Variants in PTGES3 observed in about 807,000 individuals in gnomAD.
PTGES3 encodes the protein prostaglandin E synthase 3, also known as Hsp90 co-chaperone.
Under a neutral mutation model 29.9 loss-of-function variants are expected in PTGES3, and 5 were observed. That is an observed-to-expected ratio of 0.17 (90% CI 0.09 to 0.35). PTGES3 has a LOEUF of 0.35. PTGES3 is among the 10% of genes least tolerant of loss of function. The pLI is 1.00. For synonymous variants in PTGES3, 49 were observed against 57.8 expected, an observed-to-expected ratio of 0.85 and a Z score of 0.69; for missense variants, 128 against 190.0, an observed-to-expected ratio of 0.67 and a Z score of 1.92.
chr12:56,666,087 CTTTTT>C (rs542812831), intron 6 of PTGES3, 112 bp downstream of exon 6: 1 of 1,377,468 alleles, frequency 7.3e-7, no homozygotes, highest in South Asian at 1.7e-5. Flanking sequence ...TTTCCCTTTT[CTTTTT>C]TTTTAGAAAA....
chr12:56,683,643 C>A (rs1366798246), intron 1 of PTGES3, among the ~76,000 whole-genome samples: 1 of 141,082 alleles, frequency 7.1e-6, no homozygotes, highest in African/African-American at 2.6e-5. Flanking sequence ...GAGCCAGACT[C>A]CATCTCAAAA....
At chr12:56,672,605 T>G (rs1952049860) in intron 3 of PTGES3, 135 bp downstream of exon 3, 3 of 1,091,432 alleles carry the variant, frequency 2.7e-6, no homozygotes, top group Non-Finnish European at 2.4e-6. Flanking sequence ...GGAGGAAATA[T>G]TCTACAAAAT....
chr12:56,680,000 A>G (rs1952450897), intron 1 of PTGES3, among the ~76,000 whole-genome samples: 1 of 152,034 alleles, frequency 6.6e-6, no homozygotes, highest in Non-Finnish European at 1.5e-5. Flanking sequence ...TAGGAGAAAA[A>G]GAGATGGTGT....
intron 1 of PTGES3, among the ~76,000 whole-genome samples, chr12:56,681,324 G>A (rs1014463354): frequency 2.6e-5 from 4 of 151,686 alleles, no homozygotes; most frequent in Non-Finnish European, 5.9e-5. Context: ...GGATCACGAG[G>A]TCAGGAGATC....
chr12:56,675,072 C>T (rs1172777303), intron 1 of PTGES3, among the ~76,000 whole-genome samples: 1 of 146,668 alleles, frequency 6.8e-6, no homozygotes, highest in African/African-American at 2.5e-5. Context: ...GAGGCAGAGG[C>T]AGGCGGATCA....
intron 1 of PTGES3, among the ~76,000 whole-genome samples, chr12:56,676,458 T>C (rs1053543113): frequency 1.3e-5 from 2 of 152,166 alleles, no homozygotes; most frequent in Admixed American, 6.5e-5. Flanking sequence ...AAATTTGTTA[T>C]GGAGGCAGTG....
intron 1 of PTGES3, among the ~76,000 whole-genome samples, chr12:56,676,227 C>CA (rs1374131856): frequency 4.1e-5 from 3 of 72,408 alleles, no homozygotes; most frequent in Non-Finnish European, 8.0e-5. Flanking sequence ...CTGTGTCTCC[C>CA]CCCCCAAAAA....
chr12:56,688,208 G>C lies in PTGES3; in HGVS notation c.-209C>G, dbSNP rs1173182703. The C allele has an allele frequency of 1.1e-6, 1 of 884,608 alleles. No individual in the cohort carries two copies. The highest frequency in any genetic ancestry group is 1.6e-6 in the Non-Finnish European group (1 of 630,034). 54.8% of individuals were successfully genotyped at this position (884,608 alleles called of 1,614,324 possible). On this transcript the variant is annotated 5_prime_UTR_variant, in exon 1 of 8. Coordinates refer to ENST00000262033, the MANE Select transcript of PTGES3 (RefSeq NM_006601.7). ...CGGAAAGAGCGGCTCCTCCGGTCGG[G>C]GAGAAGAGGAAAGTGTAGGAAAAGG...
At position 56,675,345 on chromosome 12, in the gene PTGES3, A is replaced by G. The variant is rs368578605; in HGVS notation, c.3-2280T>C. Among the ~76,000 whole-genome samples the G allele has an allele frequency of 2.0e-5, 3 of 151,984 alleles. No homozygotes were observed. In the East Asian group the frequency reaches 5.8e-4, roughly 29 times the overall value. Reference sequence around the variant, plus strand: ...AAAAGAAAAAAAGCCTTAGCAAGCTATATGATCATGTCCCAGATAAAACAA... The same window carrying G: ...AAAAGAAAAAAAGCCTTAGCAAGCTGTATGATCATGTCCCAGATAAAACAA... On this transcript the variant is annotated intron_variant, in intron 1 of 7. Transcript: ENST00000262033.
intron 1 of PTGES3, among the ~76,000 whole-genome samples, chr12:56,681,053 T>G (rs1260110818): frequency 2.0e-5 from 3 of 152,138 alleles, no homozygotes; most frequent in Non-Finnish European, 4.4e-5. Context: ...ATTACAGGTG[T>G]GAGTCACCAT....
chr12:56,685,585 A>G (rs1394497743), intron 1 of PTGES3, among the ~76,000 whole-genome samples: 3 of 150,800 alleles, frequency 2.0e-5, no homozygotes, highest in East Asian at 1.9e-4. Context: ...TATTTTTAGT[A>G]GAGACGGGGT....
intron 1 of PTGES3, among the ~76,000 whole-genome samples, chr12:56,685,840 A>G (rs1296569377): frequency 1.5e-5 from 2 of 135,780 alleles, no homozygotes; most frequent in Non-Finnish European, 3.0e-5. Flanking sequence ...ACAACGGCGC[A>G]ATCTCTGCTC....
chr12:56,687,681 G>A (rs1592294500), intron 1 of PTGES3: 1 of 1,275,948 alleles, frequency 7.8e-7, no homozygotes, highest in Non-Finnish European at 9.9e-7. Context: ...CGCATGGCGA[G>A]CAGCTACCGG....
intron 1 of PTGES3, among the ~76,000 whole-genome samples, chr12:56,682,410 A>G (rs1274286020): frequency 6.6e-6 from 1 of 152,056 alleles, no homozygotes; most frequent in Non-Finnish European, 1.5e-5. Context: ...AAAAAAAATT[A>G]AGTTAGCTGG....
Position 56,687,487 on chromosome 12 carries a change from C to T in PTGES3, c.2+511G>A, listed in dbSNP as rs373263551. 145 of 992,668 alleles carry T rather than the reference C, an allele frequency of 1.5e-4. No homozygotes were observed. In the African/African-American group the frequency reaches 2.4e-3, roughly 17 times the overall value. The allele number at this position is 992,668 out of a possible 1,614,324, so 61.5% of individuals were successfully genotyped here. A position where few individuals can be genotyped will look rare whatever the true frequency, so the allele number is the denominator to read the frequency against. ...GTGGGCATGGCTTCCTTCTAGTTGC[C>T]TAGCAGTACCTGCAGCTCACGGCGA... On this transcript the variant is annotated intron_variant, in intron 1 of 7. Coordinates refer to ENST00000262033, the MANE Select transcript of PTGES3 (RefSeq NM_006601.7).
rs528316507 is a variant in PTGES3 at position 56,688,226 on chromosome 12, G to C, written c.-227C>G. The C allele has an allele frequency of 2.8e-6, 2 of 722,850 alleles. No homozygotes were observed. Among genetic ancestry groups the C allele is most frequent in the Admixed American group, 3.9e-5 (1 of 25,664 alleles). 44.8% of individuals were successfully genotyped at this position (722,850 alleles called of 1,614,324 possible). A position where few individuals can be genotyped will look rare whatever the true frequency, so the allele number is the denominator to read the frequency against. On this transcript the variant is annotated 5_prime_UTR_variant, in exon 1 of 8. Coordinates refer to ENST00000262033, the MANE Select transcript of PTGES3 (RefSeq NM_006601.7). ...CGGTCGGGGAGAAGAGGAAAGTGTAGGAAAAGGGGCGCGAGGACGGAGAAT... is the reference window on the plus strand; with the variant it reads ...CGGTCGGGGAGAAGAGGAAAGTGTACGAAAAGGGGCGCGAGGACGGAGAAT...
At chr12:56,682,547 C>A (rs894868635) in intron 1 of PTGES3, among the ~76,000 whole-genome samples, 1 of 151,868 alleles carries the variant, frequency 6.6e-6, no homozygotes, top group Non-Finnish European at 1.5e-5. Context: ...AGTAGTGAGA[C>A]AGTGTCTCAG....
At chr12:56,675,198 A>T (rs944609114) in intron 1 of PTGES3, among the ~76,000 whole-genome samples, 3 of 151,154 alleles carry the variant, frequency 2.0e-5, no homozygotes, top group African/African-American at 7.3e-5. Flanking sequence ...TATTTGGGAG[A>T]CTGAGCCAGG....
intron 1 of PTGES3, among the ~76,000 whole-genome samples, chr12:56,678,149 T>A (rs1429272614): frequency 1.3e-5 from 2 of 152,156 alleles, no homozygotes; most frequent in Admixed American, 6.6e-5. Flanking sequence ...TGATGTCTCA[T>A]TCCTCACATA....
Sources: gnomAD v4.1 joint callset for allele counts (sites outside exome capture counted in the v4.1 genomes callset) on GRCh38, gnomAD v4.1.1 for gene constraint, MANE v1.5 for transcripts, NCBI Gene and HGNC (gene_info 2026-07-23, HGNC 2026-07-21) for gene names.